The following EPHA5 variants were observed in gnomAD, a reference collection of about 807,000 sequenced individuals.
The protein encoded by EPHA5 is ephrin type-A receptor 5.
In EPHA5, 60 loss-of-function variants were observed where a neutral mutation model predicts 105.0. The ratio of observed to expected loss-of-function variants is 0.57; its 90% CI spans 0.46 to 0.71. The LOEUF (loss-of-function observed/expected upper bound fraction) is 0.71. EPHA5 is among the 30% of genes least tolerant of loss of function. The probability of loss-of-function intolerance (pLI) is 0.00; values close to 1 mark genes in which losing one functional copy is unlikely to be tolerated. For missense variants in EPHA5, 1,218 were observed against 1,274.7 expected (o/e 0.96, Z 0.68); for synonymous variants, 513 against 449.1 (o/e 1.14, Z -1.80).
At chr4:65,623,883 A>G (rs1745915374) in intron 2 of EPHA5, among the ~76,000 whole-genome samples, 2 of 152,234 alleles carry the variant, frequency 1.3e-5, no homozygotes, top group Admixed American at 1.3e-4. Context: ...TGCTTTAACA[A>G]TAAACCATGT....
intron 3 of EPHA5, among the ~76,000 whole-genome samples, chr4:65,531,024 ATT>A (rs1291125567): frequency 6.5e-5 from 5 of 77,262 alleles, no homozygotes; most frequent in African/African-American, 1.5e-4. Flanking sequence ...TATTTTTTTT[ATT>A]TTTTTTATTT....
intron 3 of EPHA5, among the ~76,000 whole-genome samples, chr4:65,542,701 C>T (rs944297206): frequency 6.6e-6 from 1 of 151,650 alleles, no homozygotes; most frequent in Non-Finnish European, 1.5e-5. Flanking sequence ...AAATAAGGGA[C>T]TCCTCCCTAA....
In EPHA5 at chr4:65,439,670, C is replaced by T. The variant is rs141340043; in HGVS notation, c.1403-19105G>A. ...CAGACGACAGGGTATTTTAATTTGT[C>T]TTCTTAGGAGTTTGAACTGAGAATT... is the stretch of plus-strand genomic sequence containing the variant. On this transcript the variant is annotated intron_variant, in intron 5 of 16. Transcript: ENST00000613740. Among the ~76,000 whole-genome samples the T allele has an allele frequency of 3.9e-5, 6 of 152,190 alleles. No individual in the cohort carries two copies. The East Asian group carries it at 9.7e-4, about 24-fold the overall frequency.
At chr4:65,557,668 T>C (rs1438371400) in intron 3 of EPHA5, among the ~76,000 whole-genome samples, 2 of 151,836 alleles carry the variant, frequency 1.3e-5, no homozygotes, top group Non-Finnish European at 2.9e-5. Context: ...AGAAGTGAGA[T>C]AAAGAGGGAG....
intron 5 of EPHA5, among the ~76,000 whole-genome samples, chr4:65,432,245 A>G (rs1725045372): frequency 6.6e-6 from 1 of 152,202 alleles, no homozygotes; most frequent in Admixed American, 6.6e-5. Context: ...TAAGGAGTAC[A>G]ATAAATATCA....
intron 1 of EPHA5, among the ~76,000 whole-genome samples, chr4:65,665,255 A>G (rs1749869074): frequency 6.6e-6 from 1 of 152,034 alleles, no homozygotes; most frequent in African/African-American, 2.4e-5. Flanking sequence ...ACTAATTGCC[A>G]TTCAAGCAAA....
intron 3 of EPHA5, among the ~76,000 whole-genome samples, chr4:65,517,411 T>C (rs1468044893): frequency 6.6e-6 from 1 of 151,940 alleles, no homozygotes; most frequent in Non-Finnish European, 1.5e-5. Flanking sequence ...ATTCAGAATA[T>C]TCATTTATTT....
At chr4:65,563,921 C>G (rs1194208839) in intron 3 of EPHA5, among the ~76,000 whole-genome samples, 2 of 151,880 alleles carry the variant, frequency 1.3e-5, no homozygotes, top group Admixed American at 6.6e-5. Flanking sequence ...TAAATCAAAA[C>G]AAGTACTATA....
chr4:65,459,651 T>G lies in EPHA5; in HGVS notation c.1402+30726A>C, dbSNP rs370184478. 6.7e-4 allele frequency among the ~76,000 whole-genome samples: 102 copies of G among 151,902 alleles called. 4 individuals are homozygous for G. The South Asian group carries it at 0.021, about 32-fold the overall frequency. ...CATACCAAGAACATATATAGAGTAA[T>G]AATATACATGTGTTTATTAAAGCTA... On this transcript the variant is annotated intron_variant, in intron 5 of 16. Coordinates refer to ENST00000613740, the MANE Select transcript of EPHA5 (RefSeq NM_001281766.3).
At chr4:65,597,887 G>A (rs1009422172) in intron 3 of EPHA5, among the ~76,000 whole-genome samples, 6 of 152,114 alleles carry the variant, frequency 3.9e-5, no homozygotes, top group African/African-American at 4.8e-5. Flanking sequence ...TTAATGAGCT[G>A]CCTAGCATTC....
At chr4:65,496,160 T>G (rs2149228695) in intron 3 of EPHA5, among the ~76,000 whole-genome samples, 1 of 152,312 alleles carries the variant, frequency 6.6e-6, no homozygotes, top group African/African-American at 2.4e-5. Flanking sequence ...ATTCAACATT[T>G]ATCTATTCTA....
chr4:65,449,312 A>C (rs1726854438), intron 5 of EPHA5, among the ~76,000 whole-genome samples: 1 of 152,210 alleles, frequency 6.6e-6, no homozygotes, highest in South Asian at 2.1e-4. Flanking sequence ...CAAAAATATG[A>C]TAAAAGCAAG....
chr4:65,450,753 A>T (rs1560549459), intron 5 of EPHA5, among the ~76,000 whole-genome samples: 1 of 152,154 alleles, frequency 6.6e-6, no homozygotes, highest in East Asian at 1.9e-4. Context: ...TGACTTTCCC[A>T]TTTAATCTCC....
At chr4:65,353,234 A>G (rs1722995326) in intron 11 of EPHA5, 131 bp from the exon 12 acceptor site, 1 of 174,710 alleles carries the variant, frequency 5.7e-6, no homozygotes, top group Admixed American at 8.3e-5. Context: ...ATTTAAATAA[A>G]AATATTAAAA....
intron 11 of EPHA5, among the ~76,000 whole-genome samples, chr4:65,363,762 C>T (rs554693127): frequency 3.6e-4 from 55 of 151,576 alleles, no homozygotes; most frequent in Middle Eastern, 3.4e-3. Context: ...CTTGCTTCTA[C>T]GGTATCTATC....
At chr4:65,514,393 G>C (rs759458644) in intron 3 of EPHA5, among the ~76,000 whole-genome samples, 3 of 152,108 alleles carry the variant, frequency 2.0e-5, no homozygotes, top group Non-Finnish European at 2.9e-5. Context: ...CTTGTGACTT[G>C]TTCATCAGCA....
At chr4:65,589,678 T>C (rs544334894) in intron 3 of EPHA5, among the ~76,000 whole-genome samples, 8 of 152,212 alleles carry the variant, frequency 5.3e-5, no homozygotes, top group African/African-American at 1.7e-4. Flanking sequence ...CTAAAGAGAA[T>C]TTAAAATAAA....
Position 65,470,820 on chromosome 4 carries a change from T to TGA in EPHA5, c.1402+19555_1402+19556dup, listed in dbSNP as rs200352267. On this transcript the variant is annotated intron_variant, in intron 5 of 16. Transcript: ENST00000613740. The stretch of plus-strand genomic sequence containing the variant: ...CTGTTAAAGCAAACTAAATATGGCC[T>TGA]GAGAAGCACTGTGTACTTCTATATT... 4.4e-3 allele frequency among the ~76,000 whole-genome samples: 669 copies of TGA among 152,328 alleles called. 17 individuals carry two copies. Among genetic ancestry groups the TGA allele is most frequent in the Admixed American group, 0.04 (614 of 15,296 alleles).
At chr4:65,643,702 A>C (rs1227705083) in intron 1 of EPHA5, among the ~76,000 whole-genome samples, 1 of 151,968 alleles carries the variant, frequency 6.6e-6, no homozygotes, top group Non-Finnish European at 1.5e-5. Flanking sequence ...AATTTAAAAA[A>C]AAAGCTAATA....
Sources: allele counts gnomAD v4.1 joint callset (sites outside exome capture counted in the v4.1 genomes callset), GRCh38; gene constraint gnomAD v4.1.1; transcripts MANE v1.5; gene names NCBI Gene and HGNC (gene_info 2026-07-23, HGNC 2026-07-21).